Variants in AMELX observed in about 807,000 individuals in gnomAD.
The protein encoded by AMELX is amelogenin, X isoform.
In AMELX, 9 loss-of-function variants were observed where a neutral mutation model predicts 15.8. The observed-to-expected ratio is 0.57, with a 90% CI of 0.34 to 0.99. AMELX has a LOEUF of 0.99. Among genes scored for constraint, AMELX ranks in the 50% least tolerant of loss-of-function variants. AMELX has a pLI of 0.02. For missense variants in AMELX, 107 were observed against 156.2 expected (o/e 0.68, Z 1.68); for synonymous variants, 61 against 58.8 (o/e 1.04, Z -0.17).
the AMELX span, among the ~76,000 whole-genome samples, chrX:11,308,295 A>T: frequency 8.9e-6 from 1 of 112,352 alleles, no homozygotes; most frequent in African/African-American, 3.2e-5. Context: ...AACAATCTAA[A>T]TTAATATTCT....
chrX:11,305,976 C>A, the AMELX span, among the ~76,000 whole-genome samples: 1 of 111,810 alleles, frequency 8.9e-6, no homozygotes, highest in Non-Finnish European at 1.9e-5. Context: ...CCTATCTGTC[C>A]AAATAACCAA....
At chrX:11,304,880 A>G (rs1475320338), downstream of AMELX, among the ~76,000 whole-genome samples, 4 of 95,036 alleles carry the variant, frequency 4.2e-5, no homozygotes, top group Non-Finnish European at 8.0e-5. Flanking sequence ...ACCACCTCCC[A>G]AATTCAAGCG....
At chrX:11,308,833 AG>A in the AMELX span, among the ~76,000 whole-genome samples, 1 of 112,571 alleles carries the variant, frequency 8.9e-6, no homozygotes, top group South Asian at 3.7e-4. Context: ...TCAAATACTG[AG>A]AAAATAGCCA....
rs1338353506 is a variant in AMELX at position 11,298,238 on chromosome X, GC to G, written c.106del (p.Thr37ProfsTer3). 8.3e-7 allele frequency: 1 copy of G among 1,211,167 alleles called. No homozygotes were observed. Among genetic ancestry groups the G allele is most frequent in the Non-Finnish European group, 1.1e-6 (1 of 895,062 alleles). On this transcript the variant is annotated frameshift_variant, in exon 4 of 6. Transcript: ENST00000380714. LOFTEE classifies it high-confidence loss of function. Reference sequence around the variant, plus strand: ...TTCTAATATCTTTTTCTCTTAAGGTGCTTACCCCTTTGAAGTGGTACCAGAG... The same window carrying G: ...TTCTAATATCTTTTTCTCTTAAGGTGTTACCCCTTTGAAGTGGTACCAGAG... The part of the protein sequence containing the change: ...PGYINFSYEV[L>X]TPLKWYQSIR...
At chrX:11,297,654 G>A (rs2048109216) in intron 3 of AMELX, among the ~76,000 whole-genome samples, 1 of 111,741 alleles carries the variant, frequency 8.9e-6, no homozygotes, top group South Asian at 3.7e-4. Context: ...CAATCTATGA[G>A]TTTATTTACT....
intron 1 of AMELX, among the ~76,000 whole-genome samples, chrX:11,293,810 C>A (rs1382741480): frequency 5.4e-5 from 6 of 111,802 alleles, no homozygotes; most frequent in Non-Finnish European, 9.4e-5. Flanking sequence ...AAAATAGAAC[C>A]ATCCATGAAG....
intron 1 of AMELX, 58 bp from the exon 2 acceptor site, chrX:11,294,719 T>C (rs1233957602): frequency 9.1e-7 from 1 of 1,101,564 alleles, no homozygotes; most frequent in African/African-American, 1.8e-5. Flanking sequence ...TTATGGAGCA[T>C]TCATTACATC....
chrX:11,301,806 C>G (rs1360254987), downstream of AMELX, among the ~76,000 whole-genome samples: 2 of 111,569 alleles, frequency 1.8e-5, no homozygotes, highest in Admixed American at 1.9e-4. Context: ...GTAAAATAAG[C>G]CCACAAATAA....
At chrX:11,304,777 C>CTTTT (rs953912280), downstream of AMELX, among the ~76,000 whole-genome samples, 79 of 50,283 alleles carry the variant, frequency 1.6e-3, 6 homozygotes, top group Non-Finnish European at 2.2e-3. Flanking sequence ...CTTTCTTTTA[C>CTTTT]TTTTTTTTTT....
At chrX:11,298,467 T>C in intron 4 of AMELX, 81 bp from the exon 5 acceptor site, 1 of 1,182,573 alleles carries the variant, frequency 8.5e-7, no homozygotes, top group Non-Finnish European at 1.1e-6. Flanking sequence ...CCTATAGCCA[T>C]AATGGCAAAG....
Position 11,300,587 on chromosome X carries a change from T to G in AMELX, c.571-20T>G, listed in dbSNP as rs1352063330. ...AACATTTGTAAATTATTTTAACTGT[T>G]CTTTTGCAATTTTTTTCAGGATTAA... On this transcript the variant is annotated intron_variant, in intron 5 of 5. Transcript: ENST00000380714. 1 of 1,179,312 alleles carries G rather than the reference T, an allele frequency of 8.5e-7. No individual in the cohort carries two copies. Among genetic ancestry groups the G allele is most frequent in the African/African-American group, 1.8e-5 (1 of 56,634 alleles).
At chrX:11,306,907 A>G in the AMELX span, among the ~76,000 whole-genome samples, 1 of 111,771 alleles carries the variant, frequency 8.9e-6, no homozygotes, top group East Asian at 2.8e-4. Context: ...CTCTTGTGCT[A>G]AACTGCCAAA....
intron 5 of AMELX, 22 bp from the exon 6 acceptor site, chrX:11,300,585 G>T (rs769206570): frequency 8.5e-7 from 1 of 1,176,689 alleles, no homozygotes; most frequent in Admixed American, 2.2e-5. Flanking sequence ...TATTTTAACT[G>T]TTCTTTTGCA....
At chrX:11,296,952 C>A in intron 3 of AMELX, 126 bp downstream of exon 3, 1 of 938,188 alleles carries the variant, frequency 1.1e-6, no homozygotes, top group Non-Finnish European at 1.5e-6. Flanking sequence ...ACAGTTCCTA[C>A]CACCAGCTTC....
chrX:11,298,457 C>A, intron 4 of AMELX, 91 bp from the exon 5 acceptor site: 1 of 1,169,677 alleles, frequency 8.5e-7, no homozygotes, highest in Non-Finnish European at 1.2e-6. Flanking sequence ...ATAAAATATT[C>A]CTATAGCCAT....
intron 5 of AMELX, among the ~76,000 whole-genome samples, chrX:11,299,545 T>C (rs770571238): frequency 8.9e-6 from 1 of 112,428 alleles, no homozygotes; most frequent in East Asian, 2.8e-4. Flanking sequence ...TGGGGTTCTA[T>C]AGATGATTAA....
chrX:11,301,035 G>A (rs367667470), downstream of AMELX, among the ~76,000 whole-genome samples: 1 of 111,518 alleles, frequency 9.0e-6, no homozygotes, highest in Non-Finnish European at 1.9e-5. Flanking sequence ...ACCAAATGAA[G>A]GGAAGTTTAT....
Position 11,298,641 on chromosome X carries a change from C to T in AMELX, c.238C>T (p.Gln80Ter), listed in dbSNP as rs2048124888. ...ACAGCACCCCCCGACTCACACCCTG[C>T]AGCCTCATCACCACATCCCAGTGGT... ...SQQHPPTHTL[Q>*]PHHHIPVVPA... The change falls in exon 5 of 6, where the codon CAG becomes TAG. Residue 80 changes from glutamine (Q) to a stop codon, truncating the protein, a stop_gained. Transcript: ENST00000380714. LOFTEE classifies it high-confidence loss of function. 2 of 1,208,609 alleles carry T rather than the reference C, an allele frequency of 1.7e-6. No homozygotes were observed. Among genetic ancestry groups the T allele is most frequent in the Non-Finnish European group, 2.2e-6 (2 of 894,959 alleles).
rs6530435 is a variant in AMELX at position 11,299,131 on chromosome X, G to A, written c.570+158G>A. Among the ~76,000 whole-genome samples, 6,787 of 111,698 alleles carry A rather than the reference G, an allele frequency of 0.061. 268 individuals are homozygous for A. Among genetic ancestry groups the A allele is most frequent in the African/African-American group, 0.15 (4,521 of 30,624 alleles). On this transcript the variant is annotated intron_variant, in intron 5 of 5. Coordinates refer to ENST00000380714, the MANE Select transcript of AMELX (RefSeq NM_001142.2). ...TCCAAGCAATATGCTATACCTTTATGTTAAAGACAAATTCCTCTAAATGGC... is the reference window on the plus strand; with the variant it reads ...TCCAAGCAATATGCTATACCTTTATATTAAAGACAAATTCCTCTAAATGGC...
Sources: allele counts gnomAD v4.1 joint callset (sites outside exome capture counted in the v4.1 genomes callset), GRCh38; gene constraint gnomAD v4.1.1; transcripts MANE v1.5; gene names NCBI Gene and HGNC (gene_info 2026-07-23, HGNC 2026-07-21).